The following C5 variants were observed in gnomAD, a reference collection of about 807,000 sequenced individuals.
C5 encodes complement C5.
C5 carries 140 observed loss-of-function variants against 218.8 expected under a neutral mutation model. That is an observed-to-expected ratio of 0.64 (90% confidence interval 0.56 to 0.74). The LOEUF is 0.74. Ranked by LOEUF, C5 falls within the 30% of genes least tolerant of loss-of-function variation. The pLI, the probability that C5 is intolerant of heterozygous loss-of-function variation, is 0.00. For missense variants in C5, 1,700 were observed against 1,969.6 expected (o/e 0.86, Z 2.59); for synonymous variants, 614 against 682.3 (o/e 0.90, Z 1.56).
At chr9:121,016,536 G>C (rs1010755440) in intron 14 of C5, among the ~76,000 whole-genome samples, 153 bp from the exon 15 acceptor site, 2 of 152,102 alleles carry the variant, frequency 1.3e-5, no homozygotes, top group African/African-American at 4.8e-5. Flanking sequence ...TCCCAACTTT[G>C]TTTCTAAGTT....
chr9:121,012,382 C>A (rs1257015258), intron 17 of C5, among the ~76,000 whole-genome samples: 2 of 152,092 alleles, frequency 1.3e-5, no homozygotes, highest in African/African-American at 4.8e-5. Flanking sequence ...GGCATGGTGG[C>A]AGGTGCATGT....
rs550055264 is a variant in C5, at chr9:121,032,205, C to T, written c.585-10G>A. 4 of 1,525,200 alleles carry T rather than the reference C, an allele frequency of 2.6e-6. No individual in the cohort carries two copies. The African/African-American group carries it at 5.5e-5, about 21-fold the overall frequency. 94.5% of individuals were successfully genotyped at this position (1,525,200 alleles called of 1,614,324 possible). ...CGTCCACATACCATATCTGTGGAAG[C>T]AAAATATTTAAAATTATAGATGTCA... is the stretch of plus-strand genomic sequence containing the variant. On this transcript the variant is annotated splice_polypyrimidine_tract_variant and intron_variant, in intron 5 of 40. Transcript: ENST00000223642.
intron 17 of C5, among the ~76,000 whole-genome samples, chr9:121,009,550 T>C (rs576614051): frequency 1.1e-4 from 16 of 152,330 alleles, no homozygotes; most frequent in African/African-American, 3.8e-4. Context: ...CAGATGATTA[T>C]AGTTGAAAAA....
At chr9:120,955,713 T>A (rs1358201755) in intron 39 of C5, among the ~76,000 whole-genome samples, 1 of 152,082 alleles carries the variant, frequency 6.6e-6, no homozygotes, top group Non-Finnish European at 1.5e-5. Context: ...TTAAAAAAAA[T>A]TATCAAAGTG....
rs574403273 is a variant in C5 at position 121,025,992 on chromosome 9, G to A, written c.874-412C>T. 11 of 170,540 alleles carry A rather than the reference G, an allele frequency of 6.5e-5. No homozygotes were observed. The East Asian group carries it at 1.8e-3, about 27-fold the overall frequency. 10.6% of individuals were successfully genotyped at this position (170,540 alleles called of 1,614,324 possible). On this transcript the variant is annotated intron_variant, in intron 8 of 40. Transcript: ENST00000223642. Reference sequence around the variant, plus strand: ...AATTTTAAAACACACAATGAGTAAAGGGATGTGGGGTTAAGTCATATTATA... The same window carrying A: ...AATTTTAAAACACACAATGAGTAAAAGGATGTGGGGTTAAGTCATATTATA...
At chr9:121,001,082 A>G (rs940014110) in intron 20 of C5, among the ~76,000 whole-genome samples, 1 of 152,242 alleles carries the variant, frequency 6.6e-6, no homozygotes, top group Admixed American at 6.5e-5. Flanking sequence ...CAGATTAAAT[A>G]CCAGCAACAT....
intron 8 of C5, among the ~76,000 whole-genome samples, chr9:121,026,924 T>C (rs2047429075): frequency 6.6e-6 from 1 of 151,784 alleles, no homozygotes; most frequent in African/African-American, 2.4e-5. Flanking sequence ...GTTAGAGAAA[T>C]TGGAGTGATT....
chr9:120,999,564 C>A (rs2047143163), intron 20 of C5: 1 of 200,010 alleles, frequency 5.0e-6, no homozygotes, highest in African/African-American at 2.4e-5. Context: ...CCAGCTAAGG[C>A]TAAAAATACT....
intron 30 of C5, among the ~76,000 whole-genome samples, chr9:120,973,035 CAG>C (rs1353591468): frequency 3.3e-5 from 5 of 152,150 alleles, no homozygotes; most frequent in Non-Finnish European, 5.9e-5. Context: ...TGTTACAGAA[CAG>C]GGGAATTCTG....
intron 28 of C5, among the ~76,000 whole-genome samples, chr9:120,978,277 A>C (rs1452178233): frequency 6.6e-6 from 1 of 152,214 alleles, no homozygotes; most frequent in African/African-American, 2.4e-5. Flanking sequence ...TGGAAATCAT[A>C]TTTGAAGGTT....
intron 12 of C5, among the ~76,000 whole-genome samples, chr9:121,019,129 A>C (rs892252342): frequency 2.7e-5 from 4 of 150,482 alleles, no homozygotes; most frequent in African/African-American, 9.9e-5. Flanking sequence ...TCTAAATTGA[A>C]GGTTTAAGAT....
chr9:121,043,082 T>C lies in C5; in HGVS notation c.343A>G (p.Lys115Glu), dbSNP rs750310964. The part of the protein sequence containing the change: ...EVVSKHFSKS[K>E]RMPITYDNGF... ...TTGTCATAGGTTATTGGCATTCTTTTTGATTTTGAAAAATGCTTTGATACA... is the reference window on the plus strand; with the variant it reads ...TTGTCATAGGTTATTGGCATTCTTTCTGATTTTGAAAAATGCTTTGATACA... Residue 115 changes from lysine (K) to glutamate (E), a missense_variant, in exon 3 of 41, where the codon AAA becomes GAA. Coordinates refer to ENST00000223642, the MANE Select transcript of C5 (RefSeq NM_001735.3). 9 of 1,613,096 alleles carry C rather than the reference T, an allele frequency of 5.6e-6. No homozygotes were observed. In the East Asian group the frequency reaches 1.6e-4, roughly 28 times the overall value.
Position 120,972,746 on chromosome 9 carries a change from T to C in C5, c.4018-754A>G, listed in dbSNP as rs534456631. Among the ~76,000 whole-genome samples, 9 of 152,324 alleles carry C rather than the reference T, an allele frequency of 5.9e-5. No homozygotes were observed. In the South Asian group the frequency reaches 1.9e-3, roughly 32 times the overall value. On this transcript the variant is annotated intron_variant, in intron 30 of 40. Transcript: ENST00000223642. ...CCCGAGGGGTTGGCACTTCCTTTAC[T>C]CCAAGCCTCCCCTTTCCTTTGCTTA...
chr9:121,012,970 C>T (rs900407377), intron 17 of C5, among the ~76,000 whole-genome samples: 1 of 152,148 alleles, frequency 6.6e-6, no homozygotes, highest in African/African-American at 2.4e-5. Context: ...TGTCATTACG[C>T]AGCACACATA....
chr9:121,055,942 C>A, the C5 span, among the ~76,000 whole-genome samples: 1 of 152,218 alleles, frequency 6.6e-6, no homozygotes, highest in Non-Finnish European at 1.5e-5. Flanking sequence ...GAGACTTTGC[C>A]TGGTAACCCA....
chr9:121,071,281 C>T, the C5 span, among the ~76,000 whole-genome samples: 1 of 152,058 alleles, frequency 6.6e-6, no homozygotes, highest in African/African-American at 2.4e-5. Context: ...GATCGTGCTA[C>T]TGCACTCCAG....
rs1417471921 is a variant in C5 at position 120,963,654 on chromosome 9, A to G, written c.4305T>C (p.Asn1435=). 2 of 1,612,800 alleles carry G rather than the reference A, an allele frequency of 1.2e-6. No homozygotes were observed. Among genetic ancestry groups the G allele is most frequent in the Non-Finnish European group, 1.7e-6 (2 of 1,178,820 alleles). Residue 1435 remains asparagine, a synonymous_variant, in exon 34 of 41, where the codon AAT becomes AAC. Transcript: ENST00000223642. ...DISLPTGISA[N]EEDLKALVEG... is the part of the protein sequence containing the mutation. ...CACATACGGCTTTTAAGTCTTCTTC[A>G]TTTGCACTGATTCCAGTAGGCAAGG...
chr9:121,055,214 T>C (rs116997473), upstream of C5, among the ~76,000 whole-genome samples: 6 of 152,312 alleles, frequency 3.9e-5, no homozygotes, highest in East Asian at 1.2e-3. Flanking sequence ...ACCTACCTGC[T>C]TCAGGCATAC....
chr9:121,003,994 G>C (rs1356007499), intron 20 of C5, among the ~76,000 whole-genome samples: 1 of 151,928 alleles, frequency 6.6e-6, no homozygotes, highest in East Asian at 1.9e-4. Flanking sequence ...TCTGTCTCCC[G>C]AGTAGCTGGG....
Sources: allele counts gnomAD v4.1 joint callset (sites outside exome capture counted in the v4.1 genomes callset), GRCh38; gene constraint gnomAD v4.1.1; transcripts MANE v1.5; gene names NCBI Gene and HGNC (gene_info 2026-07-23, HGNC 2026-07-21).